KLRD1: variants seen among roughly 807,000 people sequenced by gnomAD.
KLRD1 encodes natural killer cells antigen CD94.
KLRD1 carries 21 observed loss-of-function variants against 22.6 expected under a neutral mutation model. That is an observed-to-expected ratio of 0.93 (90% CI 0.66 to 1.34). The LOEUF is 1.34. KLRD1 is among the 40% of genes most tolerant of loss of function. The probability of loss-of-function intolerance (pLI) is 0.00; values close to 1 mark genes in which losing one functional copy is unlikely to be tolerated. For synonymous variants in KLRD1, 59 were observed against 71.1 expected, an observed-to-expected ratio of 0.83 and a Z score of 0.85; for missense variants, 183 against 208.6, an observed-to-expected ratio of 0.88 and a Z score of 0.76.
rs80352989 is a variant in KLRD1 at position 10,264,197 on chromosome 12, A to G, written c.-101+37964A>G. The stretch of plus-strand genomic sequence containing the variant: ...ATGCTAAACCATTATTATCCACTGA[A>G]GGTTTCCCTTCTAATTGGTAATTCA... On this transcript the variant is annotated intron_variant, in intron 1 of 5. Transcript: ENST00000544747. Among the ~76,000 whole-genome samples the G allele has an allele frequency of 3.3e-3, 503 of 152,198 alleles. 6 individuals are homozygous for G. The highest frequency in any genetic ancestry group is 0.023 in the East Asian group (120 of 5,180).
rs1015970955 is a variant in KLRD1, at chr12:10,328,844, C to G, written c.*14051C>G. ...CACGTGGCTGGGGAGGCCTCACTATCATGGCAGAAGGTAAAACACATGTCT... is the reference window on the plus strand; with the variant it reads ...CACGTGGCTGGGGAGGCCTCACTATGATGGCAGAAGGTAAAACACATGTCT... On this transcript the variant is annotated 3_prime_UTR_variant, in exon 6 of 6. Transcript: ENST00000336164. 1 of 152,230 alleles carries G rather than the reference C, an allele frequency of 6.6e-6. No individual in the cohort carries two copies. The highest frequency in any genetic ancestry group is 2.4e-5 in the African/African-American group (1 of 41,434). The allele number at this position is 152,230 out of a possible 1,614,324, so 9.4% of individuals were successfully genotyped here. A position where few individuals can be genotyped will look rare whatever the true frequency, so the allele number is the denominator to read the frequency against.
intron 1 of KLRD1, among the ~76,000 whole-genome samples, chr12:10,261,554 G>C (rs1024438993): frequency 3.9e-5 from 6 of 152,000 alleles, no homozygotes; most frequent in Admixed American, 3.9e-4. Context: ...ATACATGCAG[G>C]GTAGAAAAAC....
intron 1 of KLRD1, among the ~76,000 whole-genome samples, chr12:10,271,307 T>C (rs1949547710): frequency 6.6e-6 from 1 of 152,184 alleles, no homozygotes; most frequent in African/African-American, 2.4e-5. Context: ...AATTAAAATA[T>C]CAAAACCAGG....
chr12:10,283,924 C>T (rs901073848), intron 1 of KLRD1, among the ~76,000 whole-genome samples: 5 of 151,928 alleles, frequency 3.3e-5, no homozygotes, highest in African/African-American at 9.7e-5. Flanking sequence ...GCCTGTAATC[C>T]CAACACTTTG....
At chr12:10,284,196 CAGT>C (rs923463510) in intron 1 of KLRD1, among the ~76,000 whole-genome samples, 29 of 21,956 alleles carry the variant, frequency 1.3e-3, no homozygotes, top group East Asian at 9.1e-3. Flanking sequence ...CAAAAAACAA[CAGT>C]AACAACAACA....
In KLRD1 at chr12:10,317,500, C is replaced by T. The variant is rs1348336177; in HGVS notation, c.*2707C>T. 10 of 152,168 alleles carry T rather than the reference C, an allele frequency of 6.6e-5. No individual in the cohort carries two copies. Among genetic ancestry groups the T allele is most frequent in the Admixed American group, 6.5e-4 (10 of 15,274 alleles). 9.4% of individuals were successfully genotyped at this position (152,168 alleles called of 1,614,324 possible). ...TGGCATTATCAGTACTGGACAAAGC[C>T]CTCTGCAGCATACAGCATAAACACT... On this transcript the variant is annotated 3_prime_UTR_variant, in exon 6 of 6. Coordinates refer to ENST00000336164, the MANE Select transcript of KLRD1 (RefSeq NM_002262.5).
Position 10,315,331 on chromosome 12 carries a change from G to A in KLRD1, c.*538G>A, listed in dbSNP as rs573269294. The A allele has an allele frequency of 1.8e-4, 76 of 431,866 alleles. No homozygotes were observed. The highest frequency in any genetic ancestry group is 1.2e-3 in the South Asian group (74 of 61,742). The allele number at this position is 431,866 out of a possible 1,614,324, so 26.8% of individuals were successfully genotyped here. A position where few individuals can be genotyped will look rare whatever the true frequency, so the allele number is the denominator to read the frequency against. The stretch of plus-strand genomic sequence containing the variant: ...TGTCAAGACAAGGTCTTGCTATGTT[G>A]CCCAGGCTGGTCTTGAACTCCTGGC... On this transcript the variant is annotated 3_prime_UTR_variant, in exon 6 of 6. Coordinates refer to ENST00000336164, the MANE Select transcript of KLRD1 (RefSeq NM_002262.5).
At chr12:10,269,205 C>G (rs1161725107) in intron 1 of KLRD1, among the ~76,000 whole-genome samples, 1 of 152,012 alleles carries the variant, frequency 6.6e-6, no homozygotes, top group Non-Finnish European at 1.5e-5. Context: ...GGCTGGAGTG[C>G]AGTGGTGTGA....
chr12:10,240,005 A>G (rs1949226175), intron 1 of KLRD1, among the ~76,000 whole-genome samples: 1 of 151,898 alleles, frequency 6.6e-6, no homozygotes. Context: ...TCTGCTCTAG[A>G]AGAAAATTAC....
intron 1 of KLRD1, among the ~76,000 whole-genome samples, chr12:10,298,722 T>G (rs191571939): frequency 6.6e-6 from 1 of 152,378 alleles, no homozygotes; most frequent in African/African-American, 2.4e-5. Flanking sequence ...CTGCTGCAGT[T>G]AACTAGCCAG....
chr12:10,290,591 T>A (rs935435957), intron 1 of KLRD1, among the ~76,000 whole-genome samples: 1 of 152,184 alleles, frequency 6.6e-6, no homozygotes, highest in African/African-American at 2.4e-5. Context: ...GAGACATACA[T>A]GTCAAGCACT....
At chr12:10,275,673 A>G (rs1012478653) in intron 1 of KLRD1, among the ~76,000 whole-genome samples, 3 of 152,230 alleles carry the variant, frequency 2.0e-5, no homozygotes, top group African/African-American at 7.2e-5. Flanking sequence ...ATGTTATTTT[A>G]GTCATACCTC....
rs756763392 is a variant in KLRD1, at chr12:10,309,438, T to C, written c.58T>C (p.Cys20Arg). 5 of 1,553,784 alleles carry C rather than the reference T, an allele frequency of 3.2e-6. No homozygotes were observed. The highest frequency in any genetic ancestry group is 1.1e-5 in the South Asian group (1 of 89,860). Residue 20 changes from cysteine to arginine, a missense_variant, in exon 2 of 6, where the codon TGC becomes CGC. Cys to Arg is a radical substitution (Grantham distance 180). Coordinates refer to ENST00000336164, the MANE Select transcript of KLRD1 (RefSeq NM_002262.5). ...AATTTCTGGGACCTTAGGGATAATATGCCTTTCGTTGATGTCTACGTTGGG... is the reference window on the plus strand; with the variant it reads ...AATTTCTGGGACCTTAGGGATAATACGCCTTTCGTTGATGTCTACGTTGGG... ...RLISGTLGII[C>R]LSLMSTLGIL...
intron 1 of KLRD1, among the ~76,000 whole-genome samples, chr12:10,288,023 G>A (rs1171404771): frequency 1.0e-4 from 15 of 148,592 alleles, no homozygotes; most frequent in African/African-American, 2.8e-4. Context: ...AGCCGAGATC[G>A]CACCACTGCA....
At position 10,313,400 on chromosome 12, in the gene KLRD1, C is replaced by T. The variant is rs1317208388; in HGVS notation, c.316-10C>T. 1 of 1,530,040 alleles carries T rather than the reference C, an allele frequency of 6.5e-7. No individual in the cohort carries two copies. Among genetic ancestry groups the T allele is most frequent in the African/African-American group, 1.4e-5 (1 of 72,370 alleles). 94.8% of individuals were successfully genotyped at this position (1,530,040 alleles called of 1,614,324 possible). ...ATTAGATTAATGTGATTGTCTTTTA[C>T]TTGAAGCAGGATTTTATGAGCTCCA... On this transcript the variant is annotated splice_polypyrimidine_tract_variant and intron_variant, in intron 4 of 5. Coordinates refer to ENST00000336164, the MANE Select transcript of KLRD1 (RefSeq NM_002262.5).
intron 1 of KLRD1, among the ~76,000 whole-genome samples, chr12:10,249,030 C>T (rs574241785): frequency 1.3e-5 from 2 of 152,224 alleles, no homozygotes; most frequent in South Asian, 4.1e-4. Context: ...ATTTTGAATT[C>T]CATTTGCATC....
At chr12:10,306,863 A>AT (rs537560265), upstream of KLRD1, among the ~76,000 whole-genome samples, 237 of 152,216 alleles carry the variant, frequency 1.6e-3, no homozygotes, top group African/African-American at 5.4e-3. Flanking sequence ...CTTTTCTTTC[A>AT]TTTTTTTCTG....
chr12:10,300,061 C>T (rs1002352533), upstream of KLRD1, among the ~76,000 whole-genome samples: 5 of 152,176 alleles, frequency 3.3e-5, no homozygotes, highest in African/African-American at 1.2e-4. Context: ...AATTCTTCAA[C>T]CCCTCAAAGG....
intron 1 of KLRD1, among the ~76,000 whole-genome samples, chr12:10,296,950 CTTG>C (rs1332263525): frequency 6.6e-6 from 1 of 152,184 alleles, no homozygotes; most frequent in Non-Finnish European, 1.5e-5. Context: ...TCTCCCATAA[CTTG>C]TTAAGTGTGC....
Sources: gnomAD v4.1 joint callset for allele counts (sites outside exome capture counted in the v4.1 genomes callset) on GRCh38, gnomAD v4.1.1 for gene constraint, MANE v1.5 for transcripts, NCBI Gene and HGNC (gene_info 2026-07-23, HGNC 2026-07-21) for gene names.